The following NLRP13 variants were observed in gnomAD, a reference collection of about 807,000 sequenced individuals.
The protein encoded by NLRP13 is NACHT, LRR and PYD domains-containing protein 13.
In NLRP13, 82 loss-of-function variants were observed where a neutral mutation model predicts 94.4. That is an observed-to-expected ratio of 0.87 (90% confidence interval 0.73 to 1.04). NLRP13 has a LOEUF of 1.04. Among genes scored for constraint, NLRP13 ranks in the 50% least tolerant of loss-of-function variants. The probability of loss-of-function intolerance (pLI) is 0.00; values close to 1 mark genes in which losing one functional copy is unlikely to be tolerated. For synonymous variants in NLRP13, 553 were observed against 464.7 expected, an observed-to-expected ratio of 1.19 and a Z score of -2.45; for missense variants, 1,426 against 1,230.8, an observed-to-expected ratio of 1.16 and a Z score of -2.37.
At chr19:55,898,092 G>A (rs376045612) in intron 10 of NLRP13, among the ~76,000 whole-genome samples, 24 of 152,202 alleles carry the variant, frequency 1.6e-4, no homozygotes, top group African/African-American at 4.8e-4. Flanking sequence ...ACCATGGGCA[G>A]ATTGGGAGAG....
chr19:55,924,440 A>G, intron 3 of NLRP13, 150 bp downstream of exon 3: 1 of 638,618 alleles, frequency 1.6e-6, no homozygotes, highest in Non-Finnish European at 2.8e-6. Flanking sequence ...ATTATTTAAT[A>G]AGAAATACTG....
downstream of NLRP13, chr19:55,892,088 C>T: frequency 8.1e-7 from 1 of 1,231,650 alleles, no homozygotes; most frequent in Non-Finnish European, 1.0e-6. Context: ...TCTGTATCTC[C>T]TCTCTCACTA....
In NLRP13 at chr19:55,924,454, G is replaced by A. The variant is rs921570085; in HGVS notation, c.457+136C>T. On this transcript the variant is annotated intron_variant, in intron 3 of 10. Transcript: ENST00000342929. ...TATTATTTAATAAGAAATACTGGAA[G>A]AACTAGATGGAAAGAGTTTTTAATT... 2.1e-5 allele frequency: 14 copies of A among 659,294 alleles called. No individual in the cohort carries two copies. The Admixed American group carries it at 3.5e-4, about 16-fold the overall frequency. The allele number at this position is 659,294 out of a possible 1,614,324, so 40.8% of individuals were successfully genotyped here.
At chr19:55,915,508 G>A (rs557752504) in intron 4 of NLRP13, among the ~76,000 whole-genome samples, 1 of 152,144 alleles carries the variant, frequency 6.6e-6, no homozygotes, top group South Asian at 2.1e-4. Context: ...TGAGGCAGGA[G>A]AATCACTTGA....
intron 1 of NLRP13, among the ~76,000 whole-genome samples, chr19:55,929,720 C>G (rs1987061522): frequency 1.3e-5 from 2 of 151,996 alleles, no homozygotes; most frequent in Non-Finnish European, 2.9e-5. Flanking sequence ...ATGTGTCTAC[C>G]TATGTAACAA....
chr19:55,911,569 G>C (rs537790857), intron 5 of NLRP13, 137 bp downstream of exon 5: 20 of 779,354 alleles, frequency 2.6e-5, no homozygotes, highest in South Asian at 5.5e-5. Flanking sequence ...TTTCAAGTTA[G>C]AGCTGCTCCA....
chr19:55,924,126 T>C, intron 3 of NLRP13, 147 bp from the exon 4 acceptor site: 1 of 644,846 alleles, frequency 1.6e-6, no homozygotes, highest in Non-Finnish European at 2.7e-6. Flanking sequence ...GTTTATATTT[T>C]TTATTTATTT....
At chr19:55,904,238 A>C in intron 8 of NLRP13, among the ~76,000 whole-genome samples, 1 of 152,034 alleles carries the variant, frequency 6.6e-6, no homozygotes, top group Admixed American at 6.6e-5. Context: ...GATTATAGGC[A>C]CCATGCCCGA....
intron 1 of NLRP13, among the ~76,000 whole-genome samples, chr19:55,930,639 T>C (rs1250162351): frequency 1.5e-5 from 2 of 131,310 alleles, no homozygotes; most frequent in African/African-American, 5.9e-5. Flanking sequence ...TAAGCCAAGA[T>C]CACACCATTG....
intron 4 of NLRP13, among the ~76,000 whole-genome samples, chr19:55,920,313 C>G (rs1013433432): frequency 6.6e-6 from 1 of 151,962 alleles, no homozygotes; most frequent in Non-Finnish European, 1.5e-5. Flanking sequence ...GCAAGAAAAA[C>G]AAAAATAAAC....
rs117123030 is a variant in NLRP13, at chr19:55,906,196, G to A, written c.2448-1084C>T. Among the ~76,000 whole-genome samples, 16 of 152,048 alleles carry A rather than the reference G, an allele frequency of 1.1e-4. No homozygotes were observed. In the East Asian group the frequency reaches 3.1e-3, roughly 30 times the overall value. On this transcript the variant is annotated intron_variant, in intron 7 of 10. Coordinates refer to ENST00000342929, the MANE Select transcript of NLRP13 (RefSeq NM_176810.2). ...GTACTAAAATTACAAAAATTAGCTAGGGATGGTGGTGTGTGACTGTAATTC... is the reference window on the plus strand; with the variant it reads ...GTACTAAAATTACAAAAATTAGCTAAGGATGGTGGTGTGTGACTGTAATTC...
At chr19:55,928,683 G>A (rs1051947712) in intron 1 of NLRP13, among the ~76,000 whole-genome samples, 1 of 152,146 alleles carries the variant, frequency 6.6e-6, no homozygotes, top group Non-Finnish European at 1.5e-5. Flanking sequence ...ATATTCAGTT[G>A]GAAACAGAAT....
intron 4 of NLRP13, among the ~76,000 whole-genome samples, chr19:55,917,366 G>C (rs539236645): frequency 4.0e-5 from 6 of 151,366 alleles, no homozygotes; most frequent in African/African-American, 4.9e-5. Flanking sequence ...CAAAGAAAAA[G>C]AACAAAAAAA....
In NLRP13 at chr19:55,910,688, G is replaced by A. The variant is rs1986483725; in HGVS notation, c.2157C>T (p.Cys719=). The A allele has an allele frequency of 6.2e-7, 1 of 1,613,492 alleles. No homozygotes were observed. The highest frequency in any genetic ancestry group is 1.1e-5 in the South Asian group (1 of 91,022). ...GATTCTCATTTGTGACCAACGTAGA[G>A]CAAATGCTGTTCCATGCGTGCATCC... ...DSRMHAWNSI[C]STLVTNENLH... Residue 719 remains cysteine (C), a synonymous_variant, in exon 6 of 11, where the codon TGC becomes TGT. Transcript: ENST00000342929.
intron 1 of NLRP13, among the ~76,000 whole-genome samples, chr19:55,929,895 AAAG>A (rs1024499880): frequency 1.4e-4 from 21 of 148,828 alleles, no homozygotes; most frequent in Non-Finnish European, 1.9e-4. Flanking sequence ...AAAGAAAAGA[AAAG>A]AAATTAAGAC....
Position 55,896,045 on chromosome 19 carries a change from A to G in NLRP13, c.3032T>C (p.Val1011Ala). ...TTCATTGCCTAGAAGGTTCAGATTG[A>G]CCAGGCTCTTACTGCTGCTGAGAAC... ...FSVLSSSKSL[V>A]NLNLLGNELD... The change falls in exon 11 of 11, where the codon GTC (valine) becomes GCC (alanine). Residue 1011 changes from valine to alanine, a missense_variant. Transcript: ENST00000342929. 6.2e-7 allele frequency: 1 copy of G among 1,614,130 alleles called. No homozygotes were observed. The highest frequency in any genetic ancestry group is 8.5e-7 in the Non-Finnish European group (1 of 1,180,016).
chr19:55,921,101 T>G (rs909335193), intron 4 of NLRP13, among the ~76,000 whole-genome samples: 4 of 152,172 alleles, frequency 2.6e-5, no homozygotes, highest in African/African-American at 9.7e-5. Context: ...TAATAGACGT[T>G]GAAGACTCAG....
chr19:55,923,514 AC>A (rs1986890298), intron 4 of NLRP13, among the ~76,000 whole-genome samples: 1 of 152,094 alleles, frequency 6.6e-6, no homozygotes, highest in South Asian at 2.1e-4. Flanking sequence ...TGGAAGGGGC[AC>A]CACCATGTGA....
In NLRP13 at chr19:55,905,102, A is replaced by T. The variant is rs745921288; in HGVS notation, c.2458T>A (p.Cys820Ser). Residue 820 changes from cysteine to serine, a missense_variant, in exon 8 of 11, where the codon TGC becomes AGC. By Grantham distance (112) the Cys-to-Ser change is moderately radical (BLOSUM62 -1). Transcript: ENST00000342929. ...TGACAGCTGGCTGCCGACAAGTTGCATTTCTCCAGGCTGTGGAAGGTGCAG... is the reference window on the plus strand; with the variant it reads ...TGACAGCTGGCTGCCGACAAGTTGCTTTTCTCCAGGCTGTGGAAGGTGCAG... ...CNLKYLCLEK[C>S]NLSAASCQDL... 9 of 1,613,582 alleles carry T rather than the reference A, an allele frequency of 5.6e-6. No homozygotes were observed. The African/African-American group carries it at 6.7e-5, about 12-fold the overall frequency.
Sources: allele counts gnomAD v4.1 joint callset (sites outside exome capture counted in the v4.1 genomes callset), GRCh38; gene constraint gnomAD v4.1.1; transcripts MANE v1.5; gene names NCBI Gene and HGNC (gene_info 2026-07-23, HGNC 2026-07-21).